The following NRXN3 variants were observed in gnomAD, a reference collection of about 807,000 sequenced individuals.
NRXN3 encodes the protein neurexin III.
NRXN3 carries 32 observed loss-of-function variants against 137.6 expected under a neutral mutation model. The ratio of observed to expected loss-of-function variants is 0.23; its 90% CI spans 0.18 to 0.31. The LOEUF is 0.31. Ranked by LOEUF, NRXN3 falls within the 10% of genes least tolerant of loss-of-function variation. The pLI, the probability that NRXN3 is intolerant of heterozygous loss-of-function variation, is 1.00. For missense variants in NRXN3, 1,574 were observed against 2,062.5 expected (o/e 0.76, Z 4.59); for synonymous variants, 798 against 784.5 (o/e 1.02, Z -0.29).
intron 16 of NRXN3, among the ~76,000 whole-genome samples, chr14:79,609,962 G>A (rs927207393): frequency 3.3e-5 from 5 of 152,040 alleles, no homozygotes; most frequent in African/African-American, 1.2e-4. Context: ...GTAGGAGGTT[G>A]GGGGAGGGAT....
At chr14:79,165,791 T>G (rs904220423) in intron 15 of NRXN3, among the ~76,000 whole-genome samples, 1 of 151,974 alleles carries the variant, frequency 6.6e-6, no homozygotes, top group Non-Finnish European at 1.5e-5. Context: ...GAAACAACCA[T>G]GTACTCCTTT....
intron 4 of NRXN3, among the ~76,000 whole-genome samples, chr14:78,541,282 C>T (rs2096587177): frequency 6.6e-6 from 1 of 152,178 alleles, no homozygotes; most frequent in South Asian, 2.1e-4. Context: ...TTTTCACATA[C>T]TCCCATATTT....
At chr14:78,224,478 A>G (rs2064249063) in intron 1 of NRXN3, among the ~76,000 whole-genome samples, 1 of 150,778 alleles carries the variant, frequency 6.6e-6, no homozygotes, top group Non-Finnish European at 1.5e-5. Flanking sequence ...TCCTGTGCCC[A>G]TGTGTTCTCA....
At chr14:79,649,574 G>T (rs751773103) in intron 16 of NRXN3, among the ~76,000 whole-genome samples, 1 of 152,038 alleles carries the variant, frequency 6.6e-6, no homozygotes, top group African/African-American at 2.4e-5. Context: ...AAAATTACTT[G>T]TCTGTGTTTG....
chr14:79,143,591 C>T (rs2059018523), intron 15 of NRXN3, among the ~76,000 whole-genome samples: 1 of 152,154 alleles, frequency 6.6e-6, no homozygotes, highest in Non-Finnish European at 1.5e-5. Flanking sequence ...CATTTTCTTC[C>T]CCATGACAGA....
chr14:79,069,289 C>T (rs2099684580), intron 15 of NRXN3, among the ~76,000 whole-genome samples: 2 of 152,116 alleles, frequency 1.3e-5, no homozygotes, highest in South Asian at 2.1e-4. Context: ...GTAGCCTCCA[C>T]CTTTGCTCAA....
chr14:79,471,761 C>T (rs1555468204), intron 16 of NRXN3, among the ~76,000 whole-genome samples: 1 of 151,930 alleles, frequency 6.6e-6, no homozygotes, highest in Non-Finnish European at 1.5e-5. Flanking sequence ...GCATTTGTGT[C>T]CTAGATTGAG....
intron 15 of NRXN3, among the ~76,000 whole-genome samples, chr14:79,217,165 G>GAAA: frequency 6.6e-6 from 1 of 151,614 alleles, no homozygotes; most frequent in East Asian, 1.9e-4. Flanking sequence ...AAGAAAGAAA[G>GAAA]AAAAGAGGTT....
intron 4 of NRXN3, among the ~76,000 whole-genome samples, chr14:78,298,134 G>A (rs1374134058): frequency 6.6e-6 from 1 of 152,246 alleles, no homozygotes; most frequent in African/African-American, 2.4e-5. Flanking sequence ...ATCCGAGAGG[G>A]AAGCATGAAA....
intron 9 of NRXN3, among the ~76,000 whole-genome samples, chr14:78,806,090 C>T (rs1330560132): frequency 2.3e-5 from 3 of 130,958 alleles, no homozygotes; most frequent in Non-Finnish European, 3.2e-5. Flanking sequence ...GTTGCAATTT[C>T]AATCTAGCTC....
At chr14:78,620,006 G>A (rs2097384415) in intron 4 of NRXN3, among the ~76,000 whole-genome samples, 1 of 152,124 alleles carries the variant, frequency 6.6e-6, no homozygotes, top group African/African-American at 2.4e-5. Context: ...CTCCAGAACT[G>A]TGCAAAATAA....
intron 16 of NRXN3, among the ~76,000 whole-genome samples, chr14:79,588,969 T>C (rs1019263742): frequency 2.0e-5 from 3 of 152,206 alleles, no homozygotes; most frequent in South Asian, 2.1e-4. Context: ...AAAAATTCTA[T>C]TGAGGCTGGA....
chr14:78,990,077 T>C (rs1001148021), intron 15 of NRXN3, among the ~76,000 whole-genome samples: 2 of 152,200 alleles, frequency 1.3e-5, no homozygotes, highest in African/African-American at 4.8e-5. Flanking sequence ...GGGGAATTTG[T>C]TGGGATATAA....
chr14:78,203,878 T>C (rs948091681), intron 1 of NRXN3, among the ~76,000 whole-genome samples: 1 of 139,236 alleles, frequency 7.2e-6, no homozygotes. Context: ...GTGTGGTTTG[T>C]GTGTCTGTAT....
At chr14:79,390,060 G>A (rs1351695748) in intron 15 of NRXN3, among the ~76,000 whole-genome samples, 4 of 152,158 alleles carry the variant, frequency 2.6e-5, no homozygotes, top group African/African-American at 9.7e-5. Context: ...GCTCACGCCT[G>A]TAATCCCAGC....
At chr14:79,833,090 C>A (rs760073292) in intron 20 of NRXN3, among the ~76,000 whole-genome samples, 5 of 152,108 alleles carry the variant, frequency 3.3e-5, no homozygotes, top group Non-Finnish European at 5.9e-5. Flanking sequence ...ACAGCCACAG[C>A]ACGTCTTTCC....
intron 15 of NRXN3, among the ~76,000 whole-genome samples, chr14:79,105,844 C>T (rs2052330550): frequency 6.6e-6 from 1 of 152,066 alleles, no homozygotes; most frequent in Admixed American, 6.6e-5. Context: ...AAAATAGGTT[C>T]TCAACTCCTG....
intron 8 of NRXN3, among the ~76,000 whole-genome samples, chr14:78,785,682 A>G (rs947238683): frequency 3.3e-5 from 5 of 152,200 alleles, no homozygotes; most frequent in African/African-American, 1.2e-4. Context: ...CGTATGATGC[A>G]TCCTAGTCAT....
chr14:78,739,003 ACTGTCT>A (rs967400647), intron 8 of NRXN3, among the ~76,000 whole-genome samples: 1 of 152,186 alleles, frequency 6.6e-6, no homozygotes, highest in African/African-American at 2.4e-5. Flanking sequence ...TGCTTACCAC[ACTGTCT>A]CTGTCTCTGT....
Sources: gnomAD v4.1 joint callset for allele counts (sites outside exome capture counted in the v4.1 genomes callset) on GRCh38, gnomAD v4.1.1 for gene constraint, MANE v1.5 for transcripts, NCBI Gene and HGNC (gene_info 2026-07-23, HGNC 2026-07-21) for gene names.